The following KAZN variants were observed in gnomAD, a reference collection of about 807,000 sequenced individuals.
KAZN encodes the protein kazrin.
In KAZN, 40 loss-of-function variants were observed where a neutral mutation model predicts 87.4. That is an observed-to-expected ratio of 0.46 (90% CI 0.36 to 0.60). KAZN has a LOEUF of 0.60. Among genes scored for constraint, KAZN ranks in the 20% least tolerant of loss-of-function variants. KAZN has a pLI of 0.00. For synonymous variants in KAZN, 466 were observed against 458.3 expected (o/e 1.02, Z -0.22); for missense variants, 898 against 1,073.9 (o/e 0.84, Z 2.29).
chr1:14,090,465 T>G (rs998203611), intron 1 of KAZN, among the ~76,000 whole-genome samples: 4 of 152,204 alleles, frequency 2.6e-5, no homozygotes, highest in African/African-American at 9.6e-5. Context: ...ATTTTTCATC[T>G]CTAGAAGCTT....
At chr1:14,140,776 T>C (rs1424636712) in intron 1 of KAZN, among the ~76,000 whole-genome samples, 1 of 152,006 alleles carries the variant, frequency 6.6e-6, no homozygotes, top group Non-Finnish European at 1.5e-5. Context: ...TCACTCTTCA[T>C]TATAACGACT....
At chr1:14,280,070 G>C (rs1652722547) in intron 2 of KAZN, among the ~76,000 whole-genome samples, 1 of 152,090 alleles carries the variant, frequency 6.6e-6, no homozygotes, top group African/African-American at 2.4e-5. Flanking sequence ...ACTTAGTTAA[G>C]ATGAGGTTGC....
chr1:14,550,214 T>G (rs1292313520), intron 2 of KAZN, among the ~76,000 whole-genome samples: 1 of 152,050 alleles, frequency 6.6e-6, no homozygotes, highest in African/African-American at 2.4e-5. Flanking sequence ...TTCTCTACAC[T>G]CATGAAATTT....
chr1:14,324,093 G>A (rs773103832), intron 2 of KAZN, among the ~76,000 whole-genome samples: 3 of 152,108 alleles, frequency 2.0e-5, no homozygotes, highest in Non-Finnish European at 2.9e-5. Context: ...CAACCTGTTC[G>A]TCTAAATGTG....
chr1:15,075,902 C>T (rs74059817), intron 8 of KAZN, among the ~76,000 whole-genome samples: 3,484 of 152,236 alleles, frequency 0.023, 133 homozygotes, highest in African/African-American at 0.08. Flanking sequence ...GGTGTCTGGC[C>T]CCACCTGCCC....
chr1:14,946,538 C>T (rs1290271881), intron 1 of KAZN, among the ~76,000 whole-genome samples: 1 of 152,008 alleles, frequency 6.6e-6, no homozygotes, highest in African/African-American at 2.4e-5. Context: ...AGGGTTTCAC[C>T]GTGTTAGCCA....
chr1:14,888,165 C>T (rs568392200), intron 1 of KAZN, among the ~76,000 whole-genome samples: 1 of 152,326 alleles, frequency 6.6e-6, no homozygotes, highest in South Asian at 2.1e-4. Flanking sequence ...GTGAAGTCCA[C>T]AGTGAGCGTG....
At chr1:14,591,078 G>A (rs1676165675) in intron 2 of KAZN, among the ~76,000 whole-genome samples, 1 of 152,122 alleles carries the variant, frequency 6.6e-6, no homozygotes, top group Non-Finnish European at 1.5e-5. Flanking sequence ...TTAGGAGAGT[G>A]TAGGAGTGGC....
chr1:14,941,565 G>A (rs1450577678), intron 1 of KAZN, among the ~76,000 whole-genome samples: 1 of 151,544 alleles, frequency 6.6e-6, no homozygotes, highest in Non-Finnish European at 1.5e-5. Flanking sequence ...TGGGGGTGTG[G>A]GGTGGGGAGG....
chr1:13,982,709 A>C (rs868387692), intron 1 of KAZN, among the ~76,000 whole-genome samples: 7 of 152,304 alleles, frequency 4.6e-5, no homozygotes, highest in Middle Eastern at 3.4e-3. Context: ...TCCCCATCAG[A>C]TTAGTTAGAT....
intron 2 of KAZN, among the ~76,000 whole-genome samples, chr1:14,468,498 G>T (rs1668282478): frequency 6.6e-6 from 1 of 152,132 alleles, no homozygotes; most frequent in South Asian, 2.1e-4. Flanking sequence ...AGGTAGTATG[G>T]ATTCAGCACA....
intron 2 of KAZN, among the ~76,000 whole-genome samples, chr1:14,377,015 T>A (rs1265111543): frequency 2.0e-5 from 3 of 152,238 alleles, no homozygotes; most frequent in African/African-American, 7.2e-5. Context: ...ACATTTGTAT[T>A]TTTTATGATG....
At chr1:14,265,253 A>C (rs535567926) in intron 2 of KAZN, among the ~76,000 whole-genome samples, 179 of 152,316 alleles carry the variant, frequency 1.2e-3, no homozygotes, top group African/African-American at 4.2e-3. Context: ...GCCTCCTTGT[A>C]ACCTCTCAGT....
chr1:14,571,574 G>A (rs1008566940), intron 2 of KAZN, among the ~76,000 whole-genome samples: 10 of 152,192 alleles, frequency 6.6e-5, no homozygotes, highest in African/African-American at 2.4e-4. Context: ...CCTTGCAAGT[G>A]TTCTGGCAAA....
chr1:14,060,922 G>A (rs1018050689), intron 1 of KAZN, among the ~76,000 whole-genome samples: 2 of 152,216 alleles, frequency 1.3e-5, no homozygotes, highest in East Asian at 3.9e-4. Context: ...GCTGCCTGCA[G>A]TGGTGGATAG....
chr1:14,462,463 A>C (rs1557737080), intron 2 of KAZN, among the ~76,000 whole-genome samples: 1 of 152,206 alleles, frequency 6.6e-6, no homozygotes, highest in African/African-American at 2.4e-5. Context: ...TCATTCTGTC[A>C]GACCTAGAAT....
intron 1 of KAZN, among the ~76,000 whole-genome samples, chr1:14,882,084 T>C (rs528628387): frequency 5.7e-4 from 86 of 152,192 alleles, no homozygotes; most frequent in African/African-American, 2.0e-3. Flanking sequence ...TGCTAGCGAG[T>C]CCCAGGTAAG....
intron 2 of KAZN, among the ~76,000 whole-genome samples, chr1:14,392,607 T>C (rs1233975139): frequency 6.6e-6 from 1 of 152,140 alleles, no homozygotes. Flanking sequence ...CATCATTCTT[T>C]GTTGTGGGAG....
chr1:14,059,039 C>A (rs1050301620), intron 1 of KAZN, among the ~76,000 whole-genome samples: 1 of 152,204 alleles, frequency 6.6e-6, no homozygotes, highest in African/African-American at 2.4e-5. Context: ...TCTCTTTAAC[C>A]TTCTGGGAAT....
Sources: gnomAD v4.1 joint callset for allele counts (sites outside exome capture counted in the v4.1 genomes callset) on GRCh38, gnomAD v4.1.1 for gene constraint, MANE v1.5 for transcripts, NCBI Gene and HGNC (gene_info 2026-07-23, HGNC 2026-07-21) for gene names.